Variants in RAB11FIP4 observed in about 807,000 individuals in gnomAD.
The protein encoded by RAB11FIP4 is RAB11 family interacting protein 4.
In RAB11FIP4, 23 loss-of-function variants were observed where a neutral mutation model predicts 74.3. The ratio of observed to expected loss-of-function variants is 0.31; its 90% CI spans 0.22 to 0.44. The LOEUF (loss-of-function observed/expected upper bound fraction) is 0.44. Among genes scored for constraint, RAB11FIP4 ranks in the 20% least tolerant of loss-of-function variants. RAB11FIP4 has a pLI of 1.00. For missense variants in RAB11FIP4, 630 were observed against 863.9 expected (o/e 0.73, Z 3.39); for synonymous variants, 360 against 359.9 (o/e 1.00, Z 0.00).
intron 1 of RAB11FIP4, among the ~76,000 whole-genome samples, chr17:31,393,153 G>A (rs1348243129): frequency 1.3e-5 from 2 of 152,250 alleles, no homozygotes; most frequent in Non-Finnish European, 2.9e-5. Context: ...GGGCAGAAGA[G>A]AGTGAGGCAG....
chr17:31,505,534 T>C lies in RAB11FIP4; in HGVS notation c.337-12117T>C, dbSNP rs2072314250. Among the ~76,000 whole-genome samples, 3 of 88,348 alleles carry C rather than the reference T, an allele frequency of 3.4e-5. No homozygotes were observed. In the South Asian group the frequency reaches 7.6e-4, roughly 22 times the overall value. 58.0% of individuals were successfully genotyped at this position (88,348 alleles called of 152,430 possible). A position where few individuals can be genotyped will look rare whatever the true frequency, so the allele number is the denominator to read the frequency against. On this transcript the variant is annotated intron_variant, in intron 3 of 14. Transcript: ENST00000621161. ...TATAATAATTATATATTATATATAATTATTATATATTATATATAATAATAA... is the reference window on the plus strand; with the variant it reads ...TATAATAATTATATATTATATATAACTATTATATATTATATATAATAATAA...
chr17:31,530,268 T>C (rs2072844376), intron 13 of RAB11FIP4, 58 bp from the exon 14 acceptor site: 3 of 1,595,402 alleles, frequency 1.9e-6, no homozygotes, highest in Middle Eastern at 1.7e-4. Context: ...AGAAGTGGGT[T>C]CCAGTGGGCT....
At chr17:31,496,502 C>T (rs1291614600) in intron 3 of RAB11FIP4, among the ~76,000 whole-genome samples, 1 of 152,266 alleles carries the variant, frequency 6.6e-6, no homozygotes, top group African/African-American at 2.4e-5. Context: ...CTTCTTGACT[C>T]AGTTTATAAT....
chr17:31,508,439 C>T (rs533522508), intron 3 of RAB11FIP4, among the ~76,000 whole-genome samples: 13 of 152,338 alleles, frequency 8.5e-5, no homozygotes, highest in Non-Finnish European at 8.8e-5. Context: ...CAGCCCTTCT[C>T]TCCTGTCTGT....
intron 3 of RAB11FIP4, among the ~76,000 whole-genome samples, chr17:31,452,501 C>G (rs747034396): frequency 1.3e-5 from 2 of 152,190 alleles, no homozygotes; most frequent in Non-Finnish European, 2.9e-5. Flanking sequence ...TAAGAAAATG[C>G]AGATTCTGGT....
chr17:31,496,774 T>A (rs939716109), intron 3 of RAB11FIP4, among the ~76,000 whole-genome samples: 10 of 152,334 alleles, frequency 6.6e-5, no homozygotes, highest in Admixed American at 2.0e-4. Flanking sequence ...TCTGGTACCA[T>A]CAGCGTTGCT....
intron 3 of RAB11FIP4, among the ~76,000 whole-genome samples, chr17:31,477,741 CCT>C (rs2071807845): frequency 6.6e-6 from 1 of 152,146 alleles, no homozygotes; most frequent in Non-Finnish European, 1.5e-5. Flanking sequence ...CAAAACCGAG[CCT>C]CTCTTTTTTA....
At chr17:31,504,388 C>T (rs2072278866) in intron 3 of RAB11FIP4, among the ~76,000 whole-genome samples, 1 of 152,088 alleles carries the variant, frequency 6.6e-6, no homozygotes, top group South Asian at 2.1e-4. Context: ...GCCTCGGCCT[C>T]TCAAAGTGCT....
At chr17:31,454,251 G>C (rs1450779419) in intron 3 of RAB11FIP4, among the ~76,000 whole-genome samples, 1 of 152,148 alleles carries the variant, frequency 6.6e-6, no homozygotes, top group East Asian at 1.9e-4. Flanking sequence ...GAAAATGGCT[G>C]TCATAGAAGA....
intron 4 of RAB11FIP4, among the ~76,000 whole-genome samples, chr17:31,520,638 G>C (rs2072645475): frequency 6.6e-6 from 1 of 152,132 alleles, no homozygotes; most frequent in East Asian, 1.9e-4. Context: ...CTCCTGAGTA[G>C]CTGCGACTAC....
chr17:31,404,531 A>G (rs982927699), intron 1 of RAB11FIP4, among the ~76,000 whole-genome samples: 1 of 152,224 alleles, frequency 6.6e-6, no homozygotes, highest in African/African-American at 2.4e-5. Context: ...AATATTAGCA[A>G]TGCATGTTAA....
At chr17:31,442,820 C>T (rs1046565192) in intron 3 of RAB11FIP4, among the ~76,000 whole-genome samples, 18 of 152,196 alleles carry the variant, frequency 1.2e-4, no homozygotes, top group Admixed American at 5.2e-4. Flanking sequence ...ATTAGCCAGG[C>T]GTGATAGCGC....
intron 1 of RAB11FIP4, among the ~76,000 whole-genome samples, chr17:31,422,505 T>G (rs976014122): frequency 1.3e-5 from 2 of 152,228 alleles, no homozygotes; most frequent in African/African-American, 4.8e-5. Flanking sequence ...TAGTTTGGCT[T>G]CATGTATTTT....
chr17:31,434,398 G>A (rs2071339404), intron 3 of RAB11FIP4, among the ~76,000 whole-genome samples: 1 of 152,216 alleles, frequency 6.6e-6, no homozygotes, highest in Non-Finnish European at 1.5e-5. Flanking sequence ...AAAGTGGCAA[G>A]TGGAGGGGAG....
At chr17:31,521,799 C>G in intron 5 of RAB11FIP4, 116 bp from the exon 6 acceptor site, 4 of 1,187,598 alleles carry the variant, frequency 3.4e-6, no homozygotes, top group Non-Finnish European at 4.8e-6. Context: ...CCTGCCCCTC[C>G]CCCGTAACAA....
At chr17:31,521,120 G>A in intron 4 of RAB11FIP4, 46 bp from the exon 5 acceptor site, 1 of 1,415,384 alleles carries the variant, frequency 7.1e-7, no homozygotes, top group Non-Finnish European at 9.4e-7. Flanking sequence ...GCTGTGGCTG[G>A]GGACCCATGA....
At chr17:31,411,632 T>C (rs1241288904) in intron 1 of RAB11FIP4, among the ~76,000 whole-genome samples, 3 of 152,170 alleles carry the variant, frequency 2.0e-5, no homozygotes, top group Non-Finnish European at 4.4e-5. Flanking sequence ...GGAAAGAGGT[T>C]TAAATTATAA....
chr17:31,415,433 A>G (rs1297649850), intron 1 of RAB11FIP4, among the ~76,000 whole-genome samples: 2 of 152,174 alleles, frequency 1.3e-5, no homozygotes, highest in African/African-American at 4.8e-5. Flanking sequence ...CAAGGTCCCC[A>G]AGCCATTTAC....
intron 3 of RAB11FIP4, among the ~76,000 whole-genome samples, chr17:31,476,513 C>T (rs1256131113): frequency 6.6e-6 from 1 of 152,110 alleles, no homozygotes; most frequent in African/African-American, 2.4e-5. Context: ...CTGTTGGTCA[C>T]ATAAGAAACC....
Sources: gnomAD v4.1 joint callset for allele counts (sites outside exome capture counted in the v4.1 genomes callset) on GRCh38, gnomAD v4.1.1 for gene constraint, MANE v1.5 for transcripts, NCBI Gene and HGNC (gene_info 2026-07-23, HGNC 2026-07-21) for gene names.